Variants in PLD5 observed in about 807,000 individuals in gnomAD.
PLD5 encodes phospholipase D family member 5.
In PLD5, 36 loss-of-function variants were observed where a neutral mutation model predicts 61.1. The observed-to-expected ratio is 0.59, with a 90% CI of 0.45 to 0.78. The LOEUF (loss-of-function observed/expected upper bound fraction) is 0.78, where lower values mean the gene tolerates loss of function less well. Among genes scored for constraint, PLD5 ranks in the 30% least tolerant of loss-of-function variants. The probability of loss-of-function intolerance (pLI) is 0.00; values close to 1 mark genes in which losing one functional copy is unlikely to be tolerated. For missense variants in PLD5, 515 were observed against 644.4 expected (o/e 0.80, Z 2.17); for synonymous variants, 243 against 242.8 (o/e 1.00, Z -0.01).
At chr1:242,424,638 CA>C (rs1204169568) in intron 1 of PLD5, among the ~76,000 whole-genome samples, 1 of 152,050 alleles carries the variant, frequency 6.6e-6, no homozygotes, top group Non-Finnish European at 1.5e-5. Context: ...AAGTATCTCC[CA>C]AATTGGGTTT....
chr1:242,511,488 T>A (rs778907154), intron 1 of PLD5, among the ~76,000 whole-genome samples: 2 of 152,010 alleles, frequency 1.3e-5, no homozygotes, highest in African/African-American at 2.4e-5. Flanking sequence ...TCATCGATCA[T>A]GTCATGTAAA....
chr1:242,230,807 G>A (rs901855769), intron 4 of PLD5, among the ~76,000 whole-genome samples: 7 of 152,102 alleles, frequency 4.6e-5, no homozygotes, highest in African/African-American at 1.7e-4. Context: ...TCTCTCACAG[G>A]TTGCTTTGAT....
rs1669378624 is a variant in PLD5, at chr1:242,524,371, C to T, written c.-95G>A. On this transcript the variant is annotated 5_prime_UTR_variant, in exon 1 of 10. Transcript: ENST00000536534. The stretch of plus-strand genomic sequence containing the variant: ...GGGCGAGCGGGAGGCCCAGCGGGAG[C>T]CGGAGGTGGAGCTGGAGACTGAGCT... 1.7e-6 allele frequency: 2 copies of T among 1,208,148 alleles called. No individual in the cohort carries two copies. The highest frequency in any genetic ancestry group is 2.1e-6 in the Non-Finnish European group (2 of 934,996). The allele number at this position is 1,208,148 out of a possible 1,614,324, so 74.8% of individuals were successfully genotyped here.
chr1:242,207,938 A>ATATATT (rs1558344714), intron 5 of PLD5, among the ~76,000 whole-genome samples: 2 of 74,938 alleles, frequency 2.7e-5, no homozygotes, highest in African/African-American at 1.3e-4. Context: ...ATATTTATAT[A>ATATATT]TTTATATATA....
intron 3 of PLD5, among the ~76,000 whole-genome samples, chr1:242,281,405 A>C (rs1205202979): frequency 6.6e-6 from 1 of 152,146 alleles, no homozygotes; most frequent in African/African-American, 2.4e-5. Flanking sequence ...GCCAGGTCAT[A>C]TGGGTCTTCA....
intron 4 of PLD5, among the ~76,000 whole-genome samples, chr1:242,226,866 C>T (rs922642781): frequency 6.6e-6 from 1 of 151,966 alleles, no homozygotes; most frequent in Non-Finnish European, 1.5e-5. Context: ...TTATTTTGTG[C>T]TTACGTATTT....
chr1:242,187,012 G>A (rs1667946588), intron 5 of PLD5, among the ~76,000 whole-genome samples: 1 of 152,140 alleles, frequency 6.6e-6, no homozygotes, highest in African/African-American at 2.4e-5. Context: ...TAGCATCAAA[G>A]GAGATTAAAA....
chr1:242,391,747 A>T (rs1380186761), intron 1 of PLD5, among the ~76,000 whole-genome samples: 1 of 151,696 alleles, frequency 6.6e-6, no homozygotes, highest in Non-Finnish European at 1.5e-5. Context: ...TGACATACTC[A>T]GCTCTGTCTT....
At chr1:242,378,778 T>C (rs1435978669) in intron 1 of PLD5, among the ~76,000 whole-genome samples, 13 of 151,768 alleles carry the variant, frequency 8.6e-5, no homozygotes, top group Admixed American at 4.6e-4. Context: ...GAGGTGGAGG[T>C]TGCAGTGAGC....
intron 3 of PLD5, among the ~76,000 whole-genome samples, chr1:242,270,324 T>C (rs1347645199): frequency 6.6e-6 from 1 of 151,458 alleles, no homozygotes; most frequent in Non-Finnish European, 1.5e-5. Flanking sequence ...GAGAAGGCCG[T>C]AGCTGGAAGA....
intron 1 of PLD5, among the ~76,000 whole-genome samples, chr1:242,434,535 G>A (rs1052009417): frequency 5.9e-5 from 9 of 152,322 alleles, no homozygotes; most frequent in Admixed American, 1.3e-4. Context: ...AGCTGTCATC[G>A]TATAGATGGT....
At chr1:242,395,037 G>GTATATATA (rs1572058039) in intron 1 of PLD5, among the ~76,000 whole-genome samples, 1 of 47,858 alleles carries the variant, frequency 2.1e-5, no homozygotes, top group African/African-American at 1.1e-4. Flanking sequence ...ATATATGAAT[G>GTATATATA]TATATGTATA....
At chr1:242,354,179 A>G (rs1660629679) in intron 1 of PLD5, among the ~76,000 whole-genome samples, 1 of 152,114 alleles carries the variant, frequency 6.6e-6, no homozygotes, top group South Asian at 2.1e-4. Context: ...GCTCATAGGC[A>G]TAAGACACTC....
At chr1:242,397,338 TTTTC>T (rs140370741) in intron 1 of PLD5, among the ~76,000 whole-genome samples, 3,010 of 121,790 alleles carry the variant, frequency 0.025, 110 homozygotes, top group East Asian at 0.11. Flanking sequence ...CTTCTGTTTT[TTTTC>T]TTTGTTTTTT....
At chr1:242,198,658 G>A (rs1382908745) in intron 5 of PLD5, among the ~76,000 whole-genome samples, 3 of 140,200 alleles carry the variant, frequency 2.1e-5, no homozygotes, top group Non-Finnish European at 4.5e-5. Context: ...ACTGAGATGT[G>A]CTGTGGGTGT....
chr1:242,380,434 T>C (rs1405962535), intron 1 of PLD5, among the ~76,000 whole-genome samples: 1 of 152,218 alleles, frequency 6.6e-6, no homozygotes. Flanking sequence ...CTGTGTTTTC[T>C]GTAATGGAAA....
chr1:242,423,737 C>T (rs1665269482), intron 1 of PLD5, among the ~76,000 whole-genome samples: 1 of 152,128 alleles, frequency 6.6e-6, no homozygotes. Context: ...TTGACATTCC[C>T]ATTATTTCTG....
Position 242,114,617 on chromosome 1 carries a change from A to G in PLD5, c.934-591T>C, listed in dbSNP as rs933768272. The stretch of plus-strand genomic sequence containing the variant: ...ACAGCCGCTCCCCCTTGCTCGCGTC[A>G]CCGCCTGAGCTCCGCCTCCTGTCAG... On this transcript the variant is annotated intron_variant, in intron 6 of 9. Coordinates refer to ENST00000536534, the MANE Select transcript of PLD5 (RefSeq NM_001372062.1). Among the ~76,000 whole-genome samples the G allele has an allele frequency of 6.6e-5, 10 of 152,302 alleles. No individual in the cohort carries two copies. In the East Asian group the frequency reaches 1.7e-3, roughly 26 times the overall value.
At chr1:242,436,085 T>G (rs983363510) in intron 1 of PLD5, among the ~76,000 whole-genome samples, 3 of 152,068 alleles carry the variant, frequency 2.0e-5, no homozygotes, top group African/African-American at 7.3e-5. Flanking sequence ...AAATCCCCAG[T>G]GCAAATGAAA....
Sources: allele counts gnomAD v4.1 joint callset (sites outside exome capture counted in the v4.1 genomes callset), GRCh38; gene constraint gnomAD v4.1.1; transcripts MANE v1.5; gene names NCBI Gene and HGNC (gene_info 2026-07-23, HGNC 2026-07-21).